The following ADAMTS6 variants were observed in gnomAD, a reference collection of about 807,000 sequenced individuals.
ADAMTS6 encodes the protein A disintegrin and metalloproteinase with thrombospondin motifs 6.
In ADAMTS6, 23 loss-of-function variants were observed where a neutral mutation model predicts 144.3. The observed-to-expected ratio is 0.16, with a 90% CI of 0.11 to 0.23. ADAMTS6 has a LOEUF of 0.23. Ranked by LOEUF, ADAMTS6 falls within the 10% of genes least tolerant of loss-of-function variation. The pLI is 1.00. For synonymous variants in ADAMTS6, 444 were observed against 457.5 expected, an observed-to-expected ratio of 0.97 and a Z score of 0.38; for missense variants, 999 against 1,379.6, an observed-to-expected ratio of 0.72 and a Z score of 4.37.
intron 14 of ADAMTS6, among the ~76,000 whole-genome samples, chr5:65,243,893 C>T (rs1759417123): frequency 1.3e-5 from 2 of 152,038 alleles, no homozygotes; most frequent in African/African-American, 2.4e-5. Flanking sequence ...TATAAAGCAC[C>T]AGTCACCTAA....
chr5:65,380,541 A>G (rs1751959182), intron 7 of ADAMTS6, among the ~76,000 whole-genome samples: 4 of 152,178 alleles, frequency 2.6e-5, no homozygotes, highest in Admixed American at 2.6e-4. Context: ...ATGCCACTGC[A>G]CTCCAACCTG....
chr5:65,378,684 TAAG>T lies in ADAMTS6; in HGVS notation c.1074-44602_1074-44600del, dbSNP rs569142637. Among the ~76,000 whole-genome samples the T allele has an allele frequency of 5.6e-3, 853 of 152,272 alleles. 10 individuals carry two copies. The highest frequency in any genetic ancestry group is 0.02 in the African/African-American group (813 of 41,542). ...TCTTCTAAATAACCTTTCTTCAACT[TAAG>T]AATACCCTGAGTTCTTTCTCTGTTT... On this transcript the variant is annotated intron_variant, in intron 7 of 24. Coordinates refer to ENST00000381055, the MANE Select transcript of ADAMTS6 (RefSeq NM_197941.4).
intron 7 of ADAMTS6, among the ~76,000 whole-genome samples, chr5:65,350,694 C>T (rs565568217): frequency 9.9e-5 from 15 of 152,116 alleles, no homozygotes; most frequent in Non-Finnish European, 1.9e-4. Context: ...CACTCTGTCA[C>T]CCAGGCTGCA....
At chr5:65,270,778 C>T (rs962351723) in intron 12 of ADAMTS6, among the ~76,000 whole-genome samples, 1 of 152,018 alleles carries the variant, frequency 6.6e-6, no homozygotes, top group Non-Finnish European at 1.5e-5. Flanking sequence ...ATAAATGACC[C>T]CTTGACATAT....
intron 20 of ADAMTS6, among the ~76,000 whole-genome samples, chr5:65,206,794 C>A: frequency 6.8e-6 from 1 of 147,490 alleles, no homozygotes; most frequent in African/African-American, 2.5e-5. Context: ...ACATAAATAT[C>A]TTCTATGTTT....
In ADAMTS6 at chr5:65,233,294, T is replaced by C. The variant is rs75364390; in HGVS notation, c.1934-7075A>G. The stretch of plus-strand genomic sequence containing the variant: ...ATCAGGAACAAGGTAACGATGCCCA[T>C]TCTCACTACTTCTATTCAACATAGT... On this transcript the variant is annotated intron_variant, in intron 15 of 24. Transcript: ENST00000381055. Among the ~76,000 whole-genome samples, 453 of 152,140 alleles carry C rather than the reference T, an allele frequency of 3.0e-3. 16 individuals are homozygous for C. The South Asian group carries it at 0.079, about 27-fold the overall frequency.
At chr5:65,312,808 G>A (rs113051164) in intron 9 of ADAMTS6, among the ~76,000 whole-genome samples, 86 of 151,990 alleles carry the variant, frequency 5.7e-4, no homozygotes, top group African/African-American at 1.6e-3. Context: ...GCCAGGTACC[G>A]GAGGAAGCTA....
chr5:65,350,764 C>T (rs1166007246), intron 7 of ADAMTS6, among the ~76,000 whole-genome samples: 1 of 152,096 alleles, frequency 6.6e-6, no homozygotes, highest in Admixed American at 6.6e-5. Context: ...AGCAATTCTC[C>T]TACCTCAGCC....
Position 65,456,049 on chromosome 5 carries a change from C to T in ADAMTS6, c.632-3131G>A, listed in dbSNP as rs545249665. Among the ~76,000 whole-genome samples, 19 of 151,156 alleles carry T rather than the reference C, an allele frequency of 1.3e-4. No homozygotes were observed. In the South Asian group the frequency reaches 2.9e-3, roughly 23 times the overall value. ...ATATATTCAATATTTTATACATATA[C>T]ACATATACTGAATAAAATCAAGAGA... On this transcript the variant is annotated intron_variant, in intron 4 of 24. Coordinates refer to ENST00000381055, the MANE Select transcript of ADAMTS6 (RefSeq NM_197941.4).
intron 7 of ADAMTS6, among the ~76,000 whole-genome samples, chr5:65,379,724 C>G (rs1006649409): frequency 6.6e-6 from 1 of 151,964 alleles, no homozygotes; most frequent in South Asian, 2.1e-4. Context: ...GTCCTCGATA[C>G]CTGGCAAACA....
chr5:65,174,251 G>A (rs941118864), intron 22 of ADAMTS6, among the ~76,000 whole-genome samples: 3 of 152,150 alleles, frequency 2.0e-5, no homozygotes, highest in Admixed American at 1.3e-4. Context: ...TCTTTAACTC[G>A]GTGTCTGAGG....
intron 24 of ADAMTS6, among the ~76,000 whole-genome samples, chr5:65,167,253 AC>A (rs1753229554): frequency 6.6e-6 from 1 of 151,594 alleles, no homozygotes; most frequent in Admixed American, 6.6e-5. Context: ...TACTACAAAC[AC>A]CTCTACGCAA....
intron 13 of ADAMTS6, among the ~76,000 whole-genome samples, chr5:65,261,028 AT>A (rs1761150906): frequency 2.0e-5 from 3 of 152,130 alleles, no homozygotes; most frequent in African/African-American, 7.2e-5. Flanking sequence ...TTTAAATCAT[AT>A]TCAACAAAAT....
At chr5:65,379,780 CAT>C (rs1420846423) in intron 7 of ADAMTS6, among the ~76,000 whole-genome samples, 2 of 152,008 alleles carry the variant, frequency 1.3e-5, no homozygotes, top group Non-Finnish European at 2.9e-5. Flanking sequence ...CACGCACACA[CAT>C]GTAAATAACC....
chr5:65,162,768 C>A (rs1168745282), intron 24 of ADAMTS6, among the ~76,000 whole-genome samples: 1 of 151,984 alleles, frequency 6.6e-6, no homozygotes, highest in African/African-American at 2.4e-5. Context: ...ATAGTTATAT[C>A]CTCTCTCCTA....
chr5:65,173,662 C>T (rs1287336402), intron 22 of ADAMTS6, among the ~76,000 whole-genome samples: 2 of 152,146 alleles, frequency 1.3e-5, no homozygotes, highest in Non-Finnish European at 2.9e-5. Flanking sequence ...CTAGAAGTCA[C>T]CTATTTAACA....
intron 14 of ADAMTS6, among the ~76,000 whole-genome samples, chr5:65,246,956 T>G (rs1050537841): frequency 2.6e-5 from 4 of 152,190 alleles, no homozygotes; most frequent in African/African-American, 9.6e-5. Context: ...TGTTTAGGAA[T>G]AGTAGAGGGT....
At chr5:65,215,623 T>C in intron 18 of ADAMTS6, 136 bp from the exon 19 acceptor site, 1 of 696,714 alleles carries the variant, frequency 1.4e-6, no homozygotes, top group East Asian at 2.9e-5. Flanking sequence ...TATTCTTAAG[T>C]ACAAATTAAA....
At chr5:65,193,049 G>A (rs761441505) in intron 21 of ADAMTS6, among the ~76,000 whole-genome samples, 7 of 151,868 alleles carry the variant, frequency 4.6e-5, no homozygotes, top group East Asian at 1.9e-4. Flanking sequence ...GAAAACAATC[G>A]TGATTGAAAA....
Sources: gnomAD v4.1 joint callset for allele counts (sites outside exome capture counted in the v4.1 genomes callset) on GRCh38, gnomAD v4.1.1 for gene constraint, MANE v1.5 for transcripts, NCBI Gene and HGNC (gene_info 2026-07-23, HGNC 2026-07-21) for gene names.